The following BEND6 variants were observed in gnomAD, a reference collection of about 807,000 sequenced individuals.
The protein encoded by BEND6 is BEN domain-containing protein 6.
BEND6 carries 24 observed loss-of-function variants against 31.8 expected under a neutral mutation model. The observed-to-expected ratio is 0.75, with a 90% CI of 0.55 to 1.06. BEND6 has a LOEUF of 1.06. Among genes scored for constraint, BEND6 ranks in the 50% least tolerant of loss-of-function variants. The pLI, the probability that BEND6 is intolerant of heterozygous loss-of-function variation, is 0.00. For synonymous variants in BEND6, 109 were observed against 114.6 expected (o/e 0.95, Z 0.31); for missense variants, 294 against 327.4 (o/e 0.90, Z 0.79).
At chr6:57,014,368 C>A in intron 3 of BEND6, 1 of 646,002 alleles carries the variant, frequency 1.5e-6, no homozygotes, top group Non-Finnish European at 2.4e-6. Context: ...TTTCACCTCT[C>A]CAGCAGGCTG....
chr6:56,992,014 G>A (rs1037992445), intron 2 of BEND6, among the ~76,000 whole-genome samples: 2 of 152,202 alleles, frequency 1.3e-5, no homozygotes, highest in African/African-American at 2.4e-5. Context: ...AAGAAATAAG[G>A]TTCATATGGT....
chr6:56,995,295 T>C (rs895178306), intron 3 of BEND6, among the ~76,000 whole-genome samples: 1 of 152,102 alleles, frequency 6.6e-6, no homozygotes, highest in African/African-American at 2.4e-5. Context: ...CTTCCTCTTA[T>C]GGAAAAACTC....
chr6:56,984,760 A>T (rs1826196544), intron 2 of BEND6, among the ~76,000 whole-genome samples: 1 of 152,194 alleles, frequency 6.6e-6, no homozygotes, highest in African/African-American at 2.4e-5. Flanking sequence ...TATGACAGTT[A>T]TCTAAACAAT....
At chr6:56,988,935 G>C (rs1826388869) in intron 2 of BEND6, among the ~76,000 whole-genome samples, 1 of 152,182 alleles carries the variant, frequency 6.6e-6, no homozygotes, top group South Asian at 2.1e-4. Flanking sequence ...AGAGGCTGAG[G>C]CAGGAGGATC....
chr6:56,955,717 T>G (rs1043861255), intron 1 of BEND6, among the ~76,000 whole-genome samples: 2 of 152,192 alleles, frequency 1.3e-5, no homozygotes, highest in African/African-American at 2.4e-5. Context: ...AAACCCTGAC[T>G]CATTTAGTGC....
intron 3 of BEND6, 41 bp downstream of exon 3, chr6:56,992,596 G>C: frequency 6.4e-7 from 1 of 1,573,034 alleles, no homozygotes; most frequent in Non-Finnish European, 8.6e-7. Flanking sequence ...AAAAGGGAAA[G>C]TATATGATCA....
rs17758700 is a variant in BEND6, at chr6:56,987,444, G to A, written c.121-4934G>A. On this transcript the variant is annotated intron_variant, in intron 2 of 6. Transcript: ENST00000370746. Reference sequence around the variant, plus strand: ...TTTGGCCATTTCCAATCTGTGGCCCGGAGAGACACCATGTTGCCCTGATGC... The same window carrying A: ...TTTGGCCATTTCCAATCTGTGGCCCAGAGAGACACCATGTTGCCCTGATGC... Among the ~76,000 whole-genome samples, 1,136 of 152,218 alleles carry A rather than the reference G, an allele frequency of 7.5e-3. 43 individuals carry two copies. Among genetic ancestry groups the A allele is most frequent in the Admixed American group, 0.057 (871 of 15,284 alleles).
chr6:57,000,633 GAA>G (rs34750947), intron 3 of BEND6, among the ~76,000 whole-genome samples: 16,958 of 133,538 alleles, frequency 0.13, 1,258 homozygotes, highest in Middle Eastern at 0.2. Context: ...ATGAGATAAT[GAA>G]AAAAAAAAAA....
chr6:57,022,048 C>T (rs4576249), intron 6 of BEND6, among the ~76,000 whole-genome samples: 8,597 of 151,910 alleles, frequency 0.057, 319 homozygotes, highest in East Asian at 0.094. Context: ...GTGATGCTGG[C>T]CTGTAGTTTT....
rs1000430560 is a variant in BEND6 at position 56,983,210 on chromosome 6, G to A, written c.120+1280G>A. Among the ~76,000 whole-genome samples the A allele has an allele frequency of 9.2e-5, 14 of 151,948 alleles. 1 individual carries two copies. Among genetic ancestry groups the A allele is most frequent in the South Asian group, 2.1e-4 (1 of 4,824 alleles). On this transcript the variant is annotated intron_variant, in intron 2 of 6. Transcript: ENST00000370746. ...GTATATTTCAGGTATATAACATCAC[G>A]TTATAGGAAACATATAGATAGTAAG...
chr6:56,986,228 A>G (rs1826267765), intron 2 of BEND6, among the ~76,000 whole-genome samples: 2 of 152,154 alleles, frequency 1.3e-5, no homozygotes, highest in Admixed American at 1.3e-4. Flanking sequence ...ATACAAACAC[A>G]TATATAACAA....
Position 56,971,277 on chromosome 6 carries a change from G to T in BEND6, c.-100-10434G>T, listed in dbSNP as rs992722743. On this transcript the variant is annotated intron_variant, in intron 1 of 6. Coordinates refer to ENST00000370746, the MANE Select transcript of BEND6 (RefSeq NM_152731.3). ...TTTCACTTAGCATAATGTTCTCAAGGTAAATCCATGTTATAGAACATCAGA... is the reference window on the plus strand; with the variant it reads ...TTTCACTTAGCATAATGTTCTCAAGTTAAATCCATGTTATAGAACATCAGA... 3.9e-5 allele frequency among the ~76,000 whole-genome samples: 6 copies of T among 152,174 alleles called. No individual in the cohort carries two copies. In the South Asian group the frequency reaches 1.0e-3, roughly 26 times the overall value.
chr6:57,003,534 CAACAACAAA>C (rs965364659), intron 3 of BEND6, among the ~76,000 whole-genome samples: 14 of 151,916 alleles, frequency 9.2e-5, no homozygotes, highest in Admixed American at 7.9e-4. Context: ...ACAACAACAA[CAACAACAAA>C]AACTACCAAT....
chr6:56,990,794 G>A (rs547985355), intron 2 of BEND6, among the ~76,000 whole-genome samples: 81 of 152,044 alleles, frequency 5.3e-4, no homozygotes, highest in African/African-American at 1.9e-3. Flanking sequence ...GCTCAATTTT[G>A]GCATAATCAA....
At chr6:57,018,684 G>A in intron 6 of BEND6, 127 bp downstream of exon 6, 2 of 999,606 alleles carry the variant, frequency 2.0e-6, no homozygotes, top group Non-Finnish European at 2.6e-6. Flanking sequence ...AAGCTAATAG[G>A]TATTCCTGGT....
intron 1 of BEND6, among the ~76,000 whole-genome samples, chr6:56,961,708 A>G (rs969139801): frequency 2.0e-5 from 3 of 152,212 alleles, no homozygotes; most frequent in African/African-American, 7.2e-5. Flanking sequence ...AGGAATTAGT[A>G]TTAGGTTCCC....
chr6:56,998,936 C>T (rs1174779963), intron 3 of BEND6, among the ~76,000 whole-genome samples: 1 of 152,084 alleles, frequency 6.6e-6, no homozygotes, highest in Non-Finnish European at 1.5e-5. Flanking sequence ...CTCAAACAAC[C>T]CAATAGCAAA....
chr6:57,004,512 G>A (rs911689729), intron 3 of BEND6: 11 of 709,204 alleles, frequency 1.6e-5, no homozygotes, highest in East Asian at 5.5e-5. Context: ...CTCCAGCTCC[G>A]TGTAGCCACC....
intron 1 of BEND6, among the ~76,000 whole-genome samples, chr6:56,957,718 G>A (rs1321852069): frequency 2.0e-5 from 3 of 152,168 alleles, no homozygotes; most frequent in African/African-American, 7.2e-5. Context: ...TAATGGAAAA[G>A]TATGTATAAT....
Sources: allele counts gnomAD v4.1 joint callset (sites outside exome capture counted in the v4.1 genomes callset), GRCh38; gene constraint gnomAD v4.1.1; transcripts MANE v1.5; gene names NCBI Gene and HGNC (gene_info 2026-07-23, HGNC 2026-07-21).